The following DMXL2 variants were observed in gnomAD, a reference collection of about 807,000 sequenced individuals.
DMXL2 encodes Dmx like 2, also known as dmX-like protein 2.
DMXL2 carries 103 observed loss-of-function variants against 331.1 expected under a neutral mutation model. The observed-to-expected ratio is 0.31, with a 90% CI of 0.27 to 0.37. The LOEUF (loss-of-function observed/expected upper bound fraction) is 0.37, where lower values mean the gene tolerates loss of function less well. DMXL2 is among the 10% of genes least tolerant of loss of function. The pLI is 1.00. For missense variants in DMXL2, 3,171 were observed against 3,642.9 expected (o/e 0.87, Z 3.33); for synonymous variants, 1,281 against 1,252.1 (o/e 1.02, Z -0.49).
chr15:51,542,409 T>G lies in DMXL2; in HGVS notation c.1029A>C (p.Glu343Asp). The change falls in exon 9 of 44, where the codon GAA (glutamate) becomes GAC (aspartate). Residue 343 changes from glutamate to aspartate, a missense_variant. This residue lies in a region of DMXL2 where 1,674 missense variants were observed against 1,780.2 expected (regional missense o/e 0.94). Coordinates refer to ENST00000560891, the MANE Select transcript of DMXL2 (RefSeq NM_001378457.1). ...ELMPDQTAMH[E>D]VQRHISHHAN... ...CATGGTGGGAAATGTGTCTTTGAAC[T>G]TCATGCATTGCTGTCTGGTCGGGCA... The G allele has an allele frequency of 6.2e-7, 1 of 1,613,852 alleles. No homozygotes were observed. The highest frequency in any genetic ancestry group is 8.5e-7 in the Non-Finnish European group (1 of 1,179,842).
chr15:51,528,906 G>C (rs1736055310), intron 13 of DMXL2, among the ~76,000 whole-genome samples: 1 of 152,074 alleles, frequency 6.6e-6, no homozygotes, highest in African/African-American at 2.4e-5. Context: ...ATAATATCAA[G>C]CATCTTCTCT....
At chr15:51,588,352 T>G (rs1196915651) in intron 1 of DMXL2, among the ~76,000 whole-genome samples, 1 of 152,084 alleles carries the variant, frequency 6.6e-6, no homozygotes, top group African/African-American at 2.4e-5. Flanking sequence ...AGAGATAGTA[T>G]TTCACCATGT....
Position 51,536,487 on chromosome 15 carries a change from A to G in DMXL2, c.1993T>C (p.Leu665=), listed in dbSNP as rs200046847. Residue 665 remains leucine (L), a synonymous_variant, in exon 12 of 44, where the codon TTA becomes CTA. Coordinates refer to ENST00000560891, the MANE Select transcript of DMXL2 (RefSeq NM_001378457.1). ...GCATTATGATGAGAGGATGTCAATA[A>G]CAGTGGTAAAACTGAATGACATGCC... The part of the protein sequence containing the change: ...DLACHSVLPL[L]LTSSHHNALL... 16 of 1,613,914 alleles carry G rather than the reference A, an allele frequency of 9.9e-6. No homozygotes were observed. Among genetic ancestry groups the G allele is most frequent in the Middle Eastern group, 1.6e-4 (1 of 6,082 alleles).
intron 1 of DMXL2, among the ~76,000 whole-genome samples, chr15:51,592,782 T>A (rs1029637067): frequency 6.1e-5 from 7 of 114,680 alleles, no homozygotes; most frequent in African/African-American, 8.9e-5. Context: ...AAGAAAAGAA[T>A]TTTCACCCAG....
intron 32 of DMXL2, 152 bp from the exon 33 acceptor site, chr15:51,463,648 A>G (rs2140262850): frequency 1.9e-6 from 1 of 521,656 alleles, no homozygotes; most frequent in Non-Finnish European, 3.3e-6. Context: ...CACAGCATTA[A>G]GCTCAACAAA....
In DMXL2 at chr15:51,468,333, A is replaced by T. The variant is rs1468491343; in HGVS notation, c.7393-2022T>A. 2.0e-5 allele frequency among the ~76,000 whole-genome samples: 3 copies of T among 152,216 alleles called. No homozygotes were observed. The East Asian group carries it at 5.8e-4, about 29-fold the overall frequency. ...AAAACTAGAAAGCAGGCAAACTCAA[A>T]CACTAGTGGAATAATCTCAAAAAGA... On this transcript the variant is annotated intron_variant, in intron 29 of 43. Transcript: ENST00000560891.
chr15:51,589,623 G>C (rs2052135319), intron 1 of DMXL2, among the ~76,000 whole-genome samples: 2 of 152,170 alleles, frequency 1.3e-5, no homozygotes, highest in Non-Finnish European at 2.9e-5. Flanking sequence ...AGTTACTAAA[G>C]TTATCTGTGA....
chr15:51,520,001 G>A (rs2140713185), intron 13 of DMXL2, among the ~76,000 whole-genome samples: 1 of 152,250 alleles, frequency 6.6e-6, no homozygotes, highest in Non-Finnish European at 1.5e-5. Context: ...TGAGAAAGCA[G>A]AGCAAAATCA....
At position 51,536,742 on chromosome 15, in the gene DMXL2, G is replaced by A. The variant is rs777069903; in HGVS notation, c.1738C>T (p.His580Tyr). 1 of 1,614,070 alleles carries A rather than the reference G, an allele frequency of 6.2e-7. No individual in the cohort carries two copies. The change falls in exon 12 of 44, where the codon CAC becomes TAC. Residue 580 changes from histidine to tyrosine, a missense_variant. By Grantham distance (83) the His-to-Tyr change is moderately conservative. Coordinates refer to ENST00000560891, the MANE Select transcript of DMXL2 (RefSeq NM_001378457.1). ...ATKDSHHTLLHQEGMSVGSPH... is the reference protein window; with the variant it reads ...ATKDSHHTLLYQEGMSVGSPH... Reference sequence around the variant, plus strand: ...CTGCCTACAGACATCCCCTCCTGGTGTAACAGCGTGTGGTGAGAATCTTTT... The same window carrying A: ...CTGCCTACAGACATCCCCTCCTGGTATAACAGCGTGTGGTGAGAATCTTTT...
At chr15:51,590,602 T>C (rs1421239095) in intron 1 of DMXL2, among the ~76,000 whole-genome samples, 3 of 152,080 alleles carry the variant, frequency 2.0e-5, no homozygotes, top group African/African-American at 7.2e-5. Context: ...CTCAATATGT[T>C]AGTTGGACTC....
At chr15:51,581,164 T>G (rs1294378434) in intron 1 of DMXL2, among the ~76,000 whole-genome samples, 3 of 152,146 alleles carry the variant, frequency 2.0e-5, no homozygotes, top group African/African-American at 7.2e-5. Context: ...CTGCCTGAGC[T>G]CCACATCCTG....
intron 29 of DMXL2, among the ~76,000 whole-genome samples, chr15:51,468,292 A>C (rs1000193890): frequency 6.6e-6 from 1 of 152,216 alleles, no homozygotes; most frequent in African/African-American, 2.4e-5. Context: ...GGAAATATAC[A>C]TGATTAGCCT....
rs528038927 is a variant in DMXL2 at position 51,532,041 on chromosome 15, A to T, written c.2436+3622T>A. ...GCTGGGCACATACCCAAAAGAACGA[A>T]AATTGGTATACTGAAGAGGTATCTG... On this transcript the variant is annotated intron_variant, in intron 13 of 43. Transcript: ENST00000560891. Among the ~76,000 whole-genome samples, 4 of 152,264 alleles carry T rather than the reference A, an allele frequency of 2.6e-5. No homozygotes were observed. The South Asian group carries it at 8.3e-4, about 32-fold the overall frequency.
chr15:51,458,911 GC>G, intron 34 of DMXL2, 116 bp from the exon 35 acceptor site: 5 of 867,798 alleles, frequency 5.8e-6, no homozygotes, highest in Non-Finnish European at 9.0e-6. Context: ...AGCAGCAGCA[GC>G]AGCAGCAAGA....
chr15:51,565,384 CCAAA>C (rs1385424176), intron 3 of DMXL2, among the ~76,000 whole-genome samples: 1 of 152,064 alleles, frequency 6.6e-6, no homozygotes, highest in Admixed American at 6.6e-5. Context: ...CTTGCCATGC[CCAAA>C]CAAAGCAGGT....
intron 13 of DMXL2, among the ~76,000 whole-genome samples, chr15:51,532,968 A>G (rs2048091104): frequency 6.6e-6 from 1 of 152,260 alleles, no homozygotes; most frequent in Non-Finnish European, 1.5e-5. Context: ...GCAATGTTAC[A>G]GGATATAAGA....
intron 20 of DMXL2, 89 bp from the exon 21 acceptor site, chr15:51,488,734 G>A (rs1280759289): frequency 1.7e-6 from 2 of 1,142,900 alleles, no homozygotes; most frequent in Non-Finnish European, 2.5e-6. Context: ...CTACTTCCAT[G>A]GCTGATAGAA....
intron 18 of DMXL2, among the ~76,000 whole-genome samples, chr15:51,497,117 G>A (rs146781108): frequency 6.6e-6 from 1 of 152,156 alleles, no homozygotes; most frequent in African/African-American, 2.4e-5. Context: ...AGGTTGTTCT[G>A]GGAAGAATCT....
rs2043364797 is a variant in DMXL2 at position 51,498,749 on chromosome 15, T to C, written c.4475A>G (p.Lys1492Arg). Reference protein sequence around the residue: ...IDLEPEKRENKSKVINLSQYG... With the variant: ...IDLEPEKRENRSKVINLSQYG... ...TTGAGAAAGATTTATTACTTTTGAT[T>C]TGTTTTCTCTCTTTTCAGGCTCTAA... Residue 1492 changes from lysine to arginine, a missense_variant, in exon 18 of 44, where the codon AAA becomes AGA. Transcript: ENST00000560891. 5 of 1,614,176 alleles carry C rather than the reference T, an allele frequency of 3.1e-6. No individual in the cohort carries two copies. Among genetic ancestry groups the C allele is most frequent in the Non-Finnish European group, 4.2e-6 (5 of 1,180,018 alleles).
Sources: gnomAD v4.1 joint callset for allele counts (sites outside exome capture counted in the v4.1 genomes callset) on GRCh38, gnomAD v4.1.1 for gene constraint, gnomAD v4.1.1 regional missense constraint, MANE v1.5 for transcripts, NCBI Gene and HGNC (gene_info 2026-07-23, HGNC 2026-07-21) for gene names.